The following RIMS2 variants were observed in gnomAD, a reference collection of about 807,000 sequenced individuals.
RIMS2 encodes regulating synaptic membrane exocytosis protein 2.
RIMS2 carries 59 observed loss-of-function variants against 174.4 expected under a neutral mutation model. The ratio of observed to expected loss-of-function variants is 0.34; its 90% CI spans 0.27 to 0.42. The LOEUF is 0.42. Ranked by LOEUF, RIMS2 falls within the 10% of genes least tolerant of loss-of-function variation. The pLI is 1.00. For missense variants in RIMS2, 1,620 were observed against 1,666.3 expected (o/e 0.97, Z 0.48); for synonymous variants, 606 against 572.5 (o/e 1.06, Z -0.84).
chr8:103,668,726 G>C (rs11778502), intron 1 of RIMS2, among the ~76,000 whole-genome samples: 26,614 of 151,552 alleles, frequency 0.18, 2,542 homozygotes, highest in African/African-American at 0.23. Flanking sequence ...TGTCACCTAG[G>C]CTGGAGTGTG....
intron 1 of RIMS2, among the ~76,000 whole-genome samples, chr8:103,653,648 G>A (rs1419630018): frequency 6.6e-6 from 1 of 152,060 alleles, no homozygotes; most frequent in Non-Finnish European, 1.5e-5. Flanking sequence ...CTTTAATGCA[G>A]AGTAAAAGAT....
intron 3 of RIMS2, among the ~76,000 whole-genome samples, chr8:103,769,721 A>G (rs2098227857): frequency 6.6e-6 from 1 of 152,240 alleles, no homozygotes; most frequent in African/African-American, 2.4e-5. Context: ...GGCCTGAATA[A>G]ACAATTGAAA....
chr8:103,636,502 CCCTGGGA>C (rs200329940), intron 1 of RIMS2, among the ~76,000 whole-genome samples: 27,660 of 151,808 alleles, frequency 0.18, 2,755 homozygotes, highest in African/African-American at 0.26. Context: ...ATGGTTTCTC[CCCTGGGA>C]AGGGTCACTC....
At chr8:104,071,645 C>T (rs1344863291) in intron 19 of RIMS2, among the ~76,000 whole-genome samples, 5 of 152,098 alleles carry the variant, frequency 3.3e-5, no homozygotes, top group African/African-American at 7.2e-5. Flanking sequence ...ACCGTGTTAG[C>T]CAGGATGGTC....
intron 3 of RIMS2, among the ~76,000 whole-genome samples, chr8:103,787,429 T>G (rs1246476285): frequency 6.6e-5 from 10 of 151,296 alleles, no homozygotes; most frequent in Admixed American, 1.3e-4. Flanking sequence ...CTTTCCATGT[T>G]TAGCGCTTCC....
intron 1 of RIMS2, among the ~76,000 whole-genome samples, chr8:103,562,974 G>A (rs2132039725): frequency 6.6e-6 from 1 of 152,304 alleles, no homozygotes; most frequent in African/African-American, 2.4e-5. Flanking sequence ...CAAGGCTGGA[G>A]CAGCTGGGAC....
chr8:103,641,447 A>T (rs995475221), intron 1 of RIMS2, among the ~76,000 whole-genome samples: 2 of 152,058 alleles, frequency 1.3e-5, no homozygotes, highest in African/African-American at 4.8e-5. Context: ...TACTGTACTG[A>T]TCTATCAAAC....
intron 17 of RIMS2, among the ~76,000 whole-genome samples, chr8:104,000,815 G>T (rs1178530515): frequency 6.6e-6 from 1 of 151,856 alleles, no homozygotes; most frequent in Non-Finnish European, 1.5e-5. Context: ...AATTAGTGAT[G>T]TTGAGCATTT....
At chr8:103,590,415 A>G (rs765782212) in intron 1 of RIMS2, among the ~76,000 whole-genome samples, 3 of 151,292 alleles carry the variant, frequency 2.0e-5, no homozygotes, top group Non-Finnish European at 4.5e-5. Flanking sequence ...AGAAAATCTC[A>G]TGTTTTAATG....
At chr8:103,575,692 A>ATATATATAT (rs1447953455) in intron 1 of RIMS2, among the ~76,000 whole-genome samples, 2 of 149,268 alleles carry the variant, frequency 1.3e-5, no homozygotes, top group East Asian at 3.9e-4. Context: ...ACACATATAT[A>ATATATATAT]TATATATACA....
At chr8:103,611,676 T>G (rs533165306) in intron 1 of RIMS2, among the ~76,000 whole-genome samples, 1 of 148,224 alleles carries the variant, frequency 6.7e-6, no homozygotes, top group Non-Finnish European at 1.5e-5. Context: ...ATTTGTTACT[T>G]TTTTTTTTCC....
At chr8:103,598,660 G>A (rs777177919) in intron 1 of RIMS2, among the ~76,000 whole-genome samples, 4 of 152,094 alleles carry the variant, frequency 2.6e-5, no homozygotes, top group Non-Finnish European at 5.9e-5. Context: ...TGCCCAATTG[G>A]GGAGTGTTCT....
chr8:103,657,401 T>C (rs2096544397), intron 1 of RIMS2, among the ~76,000 whole-genome samples: 1 of 152,208 alleles, frequency 6.6e-6, no homozygotes, highest in African/African-American at 2.4e-5. Flanking sequence ...TCACAGATTA[T>C]TGCCTAAAAC....
intron 19 of RIMS2, among the ~76,000 whole-genome samples, chr8:104,080,396 C>G (rs184454544): frequency 1.3e-5 from 2 of 152,028 alleles, no homozygotes; most frequent in East Asian, 1.9e-4. Flanking sequence ...TCTTTCAATT[C>G]TAATGTTTCA....
Position 103,916,684 on chromosome 8 carries a change from A to G in RIMS2, c.2036+147A>G, listed in dbSNP as rs535076426. The stretch of plus-strand genomic sequence containing the variant: ...TTTCTCTTTCCTTAACAAAAGCACC[A>G]CACCAAAAATAATGATATCTCTTTA... On this transcript the variant is annotated intron_variant, in intron 8 of 23. Transcript: ENST00000504942. 2.1e-5 allele frequency: 12 copies of G among 583,672 alleles called. No individual in the cohort carries two copies. The African/African-American group carries it at 2.1e-4, about 10-fold the overall frequency. The allele number at this position is 583,672 out of a possible 1,614,324, so 36.2% of individuals were successfully genotyped here. A position where few individuals can be genotyped will look rare whatever the true frequency, so the allele number is the denominator to read the frequency against.
chr8:103,713,627 A>C (rs1333297076), intron 2 of RIMS2, among the ~76,000 whole-genome samples: 1 of 152,148 alleles, frequency 6.6e-6, no homozygotes, highest in Non-Finnish European at 1.5e-5. Context: ...GACTAAGGCC[A>C]ATCTTCTAAT....
At chr8:104,053,695 A>C (rs1294448826) in intron 19 of RIMS2, among the ~76,000 whole-genome samples, 1 of 152,174 alleles carries the variant, frequency 6.6e-6, no homozygotes, top group African/African-American at 2.4e-5. Flanking sequence ...TACAGATTGA[A>C]AAATTGAAGT....
chr8:104,070,752 T>C (rs188950367), intron 19 of RIMS2, among the ~76,000 whole-genome samples: 21 of 152,312 alleles, frequency 1.4e-4, no homozygotes, highest in Admixed American at 9.2e-4. Context: ...GGAAGGAATG[T>C]AGATGATTTA....
chr8:104,163,531 A>G (rs530748493), intron 19 of RIMS2, among the ~76,000 whole-genome samples: 312 of 152,306 alleles, frequency 2.0e-3, no homozygotes, highest in Non-Finnish European at 2.1e-3. Context: ...CTGTCCACAA[A>G]GACAAATGAC....
Sources: gnomAD v4.1 joint callset for allele counts (sites outside exome capture counted in the v4.1 genomes callset) on GRCh38, gnomAD v4.1.1 for gene constraint, MANE v1.5 for transcripts, NCBI Gene and HGNC (gene_info 2026-07-23, HGNC 2026-07-21) for gene names.